The following ASPH variants were observed in gnomAD, a reference collection of about 807,000 sequenced individuals.
The protein encoded by ASPH is aspartate beta-hydroxylase.
In ASPH, 100 loss-of-function variants were observed where a neutral mutation model predicts 118.4. That is an observed-to-expected ratio of 0.84 (90% CI 0.72 to 1.00). The LOEUF is 1.00. ASPH is among the 50% of genes least tolerant of loss of function. The pLI is 0.00. For synonymous variants in ASPH, 315 were observed against 325.6 expected (o/e 0.97, Z 0.35); for missense variants, 920 against 919.5 (o/e 1.00, Z -0.01).
intron 3 of ASPH, chr8:61,663,425 G>A (rs1290378141): frequency 5.1e-6 from 5 of 985,322 alleles, no homozygotes; most frequent in Non-Finnish European, 6.0e-6. Context: ...TCTGGAGCCT[G>A]CTGAGGGCCA....
intron 14 of ASPH, among the ~76,000 whole-genome samples, chr8:61,609,544 T>C (rs920411132): frequency 2.0e-5 from 3 of 152,162 alleles, no homozygotes; most frequent in Non-Finnish European, 2.9e-5. Context: ...CTGACATTCA[T>C]AGTGTTAAGG....
intron 1 of ASPH, among the ~76,000 whole-genome samples, chr8:61,686,866 T>C (rs975647076): frequency 2.0e-5 from 3 of 152,214 alleles, no homozygotes; most frequent in Non-Finnish European, 4.4e-5. Flanking sequence ...CCTCATTAAC[T>C]GGAAAACAGC....
At chr8:61,563,654 C>CA (rs1442403280) in intron 17 of ASPH, among the ~76,000 whole-genome samples, 1 of 152,218 alleles carries the variant, frequency 6.6e-6, no homozygotes, top group Non-Finnish European at 1.5e-5. Flanking sequence ...CATAAAGCAT[C>CA]ACCAACTCAT....
intron 3 of ASPH, chr8:61,675,336 TA>T (rs1018844978): frequency 4.2e-5 from 40 of 949,834 alleles, no homozygotes; most frequent in East Asian, 2.3e-4. Flanking sequence ...ATGCCTACTT[TA>T]AAAAAAATAC....
chr8:61,660,090 C>A (rs1403743863), intron 3 of ASPH: 2 of 151,852 alleles, frequency 1.3e-5, no homozygotes, highest in Non-Finnish European at 2.9e-5. Flanking sequence ...TGAATGATTC[C>A]ATCACTCAGG....
At chr8:61,514,557 A>T (rs921840920) in intron 24 of ASPH, among the ~76,000 whole-genome samples, 3 of 151,914 alleles carry the variant, frequency 2.0e-5, no homozygotes, top group Non-Finnish European at 4.4e-5. Flanking sequence ...AAAATACAGA[A>T]AATTAGCCAG....
At chr8:61,608,799 C>T (rs1846382340) in intron 14 of ASPH, among the ~76,000 whole-genome samples, 1 of 151,716 alleles carries the variant, frequency 6.6e-6, no homozygotes. Context: ...AGGGCACTGT[C>T]TGAACTCTCC....
intron 3 of ASPH, among the ~76,000 whole-genome samples, chr8:61,666,141 CA>C (rs1360914675): frequency 6.6e-6 from 1 of 152,044 alleles, no homozygotes; most frequent in African/African-American, 2.4e-5. Flanking sequence ...ATGTGTATGA[CA>C]TTTTTAAATC....
At chr8:61,665,374 T>C (rs1200151831) in intron 3 of ASPH, 1 of 1,613,812 alleles carries the variant, frequency 6.2e-7, no homozygotes, top group Admixed American at 1.7e-5. Flanking sequence ...TCATATTTGT[T>C]GATTTTTTCC....
intron 14 of ASPH, among the ~76,000 whole-genome samples, chr8:61,602,686 A>T (rs542775855): frequency 6.6e-6 from 1 of 151,338 alleles, no homozygotes; most frequent in African/African-American, 2.5e-5. Flanking sequence ...GAGGAAGAAC[A>T]TCCAGGAGAA....
At chr8:61,682,573 A>G (rs1008564441) in intron 2 of ASPH, 31 of 1,231,940 alleles carry the variant, frequency 2.5e-5, no homozygotes, top group Non-Finnish European at 1.1e-5. Flanking sequence ...TTCCCTAACA[A>G]CATATCACTG....
chr8:61,530,949 T>TGGCACATGTATACATATGTAACTAA, intron 21 of ASPH, among the ~76,000 whole-genome samples: 1 of 152,214 alleles, frequency 6.6e-6, no homozygotes, highest in Non-Finnish European at 1.5e-5. Flanking sequence ...TTTAATGTCT[T>TGGCACATGTATACATATGTAACTAA]CCTTCTCCAT....
At position 61,500,706 on chromosome 8, in the gene ASPH, G is replaced by GAC. The variant is rs1320257087; in HGVS notation, c.*2651_*2652dup. On this transcript the variant is annotated 3_prime_UTR_variant, in exon 25 of 25. Coordinates refer to ENST00000379454, the MANE Select transcript of ASPH (RefSeq NM_004318.4). The stretch of plus-strand genomic sequence containing the variant: ...TTTCCAAGACCAGTGCATATTTTTA[G>GAC]ACATCTCTTATTCGCCCAGCCATCT... 1 of 152,132 alleles carries GAC rather than the reference G, an allele frequency of 6.6e-6. No individual in the cohort carries two copies. The highest frequency in any genetic ancestry group is 2.4e-5 in the African/African-American group (1 of 41,432). 9.4% of individuals were successfully genotyped at this position (152,132 alleles called of 1,614,324 possible).
intron 14 of ASPH, among the ~76,000 whole-genome samples, chr8:61,614,530 G>C (rs1278597647): frequency 1.3e-5 from 2 of 152,176 alleles, no homozygotes; most frequent in Non-Finnish European, 2.9e-5. Context: ...CTGTTGCCCA[G>C]ACTGGAGTGC....
chr8:61,571,701 T>G (rs1196516743), intron 16 of ASPH, among the ~76,000 whole-genome samples: 1 of 152,244 alleles, frequency 6.6e-6, no homozygotes, highest in East Asian at 1.9e-4. Flanking sequence ...TTACTTAGAC[T>G]TTGGTACTCA....
chr8:61,600,634 C>CA lies in ASPH; in HGVS notation c.977-16606dup, dbSNP rs200261023. Among the ~76,000 whole-genome samples, 1,265 of 149,824 alleles carry CA rather than the reference C, an allele frequency of 8.4e-3. 66 individuals are homozygous for CA. Among genetic ancestry groups the CA allele is most frequent in the African/African-American group, 0.028 (1,119 of 40,184 alleles). Reference sequence around the variant, plus strand: ...AAAGTAATCCTGTTTATAATAGCTACAAAAAAAACCTAAGAATAAATTTAG... The same window carrying CA: ...AAAGTAATCCTGTTTATAATAGCTACAAAAAAAAACCTAAGAATAAATTTAG... On this transcript the variant is annotated intron_variant, in intron 14 of 24. Coordinates refer to ENST00000379454, the MANE Select transcript of ASPH (RefSeq NM_004318.4).
At chr8:61,550,471 A>ACACACACACACACACACACACAC in intron 20 of ASPH, among the ~76,000 whole-genome samples, 1 of 146,006 alleles carries the variant, frequency 6.8e-6, no homozygotes. Context: ...ACACACACAT[A>ACACACACACACACACACACACAC]AGAGAAAGAG....
At chr8:61,510,491 A>T (rs1808414579) in intron 24 of ASPH, among the ~76,000 whole-genome samples, 1 of 152,252 alleles carries the variant, frequency 6.6e-6, no homozygotes, top group Non-Finnish European at 1.5e-5. Flanking sequence ...CCTAGAAACC[A>T]CCACACATCA....
intron 18 of ASPH, among the ~76,000 whole-genome samples, chr8:61,558,287 A>G (rs1360368289): frequency 6.6e-6 from 1 of 152,174 alleles, no homozygotes; most frequent in Non-Finnish European, 1.5e-5. Context: ...TTCACCAGGA[A>G]AAGGAAGTGT....
Sources: allele counts gnomAD v4.1 joint callset (sites outside exome capture counted in the v4.1 genomes callset), GRCh38; gene constraint gnomAD v4.1.1; transcripts MANE v1.5; gene names NCBI Gene and HGNC (gene_info 2026-07-23, HGNC 2026-07-21).